ANKS1B: variants seen among roughly 807,000 people sequenced by gnomAD.
The protein encoded by ANKS1B is ankyrin repeat and sterile alpha motif domain-containing protein 1B.
ANKS1B carries 36 observed loss-of-function variants against 148.3 expected under a neutral mutation model. The ratio of observed to expected loss-of-function variants is 0.24; its 90% CI spans 0.19 to 0.32. The LOEUF is 0.32. Among genes scored for constraint, ANKS1B ranks in the 10% least tolerant of loss-of-function variants. ANKS1B has a pLI of 1.00. For missense variants in ANKS1B, 1,157 were observed against 1,542.6 expected, an observed-to-expected ratio of 0.75 and a Z score of 4.19; for synonymous variants, 542 against 560.8, an observed-to-expected ratio of 0.97 and a Z score of 0.47.
intron 6 of ANKS1B, among the ~76,000 whole-genome samples, chr12:99,778,215 G>T (rs562376710): frequency 6.7e-6 from 1 of 149,854 alleles, no homozygotes; most frequent in Admixed American, 6.6e-5. Flanking sequence ...GAAAAAAAAA[G>T]TTCAGTGAGA....
At chr12:99,303,227 C>T (rs1422793024) in intron 12 of ANKS1B, among the ~76,000 whole-genome samples, 1 of 152,074 alleles carries the variant, frequency 6.6e-6, no homozygotes. Context: ...CATGGACTTG[C>T]CTTACAAATC....
At chr12:99,669,493 T>C (rs575880804) in intron 8 of ANKS1B, among the ~76,000 whole-genome samples, 8 of 152,186 alleles carry the variant, frequency 5.3e-5, no homozygotes, top group Non-Finnish European at 1.0e-4. Flanking sequence ...TTAACCCCAC[T>C]GTTAAGACTT....
intron 14 of ANKS1B, among the ~76,000 whole-genome samples, chr12:99,173,255 T>C: frequency 6.6e-6 from 1 of 152,330 alleles, no homozygotes; most frequent in South Asian, 2.1e-4. Context: ...AGTCAACTGG[T>C]AAATCTCTAA....
chr12:98,985,291 T>A (rs914120922), intron 17 of ANKS1B, among the ~76,000 whole-genome samples: 1 of 152,108 alleles, frequency 6.6e-6, no homozygotes, highest in African/African-American at 2.4e-5. Context: ...TAAAAAATTT[T>A]TTTTTGCAGA....
intron 16 of ANKS1B, among the ~76,000 whole-genome samples, chr12:99,075,993 T>C (rs1940840359): frequency 6.6e-6 from 1 of 151,760 alleles, no homozygotes; most frequent in African/African-American, 2.4e-5. Flanking sequence ...TATATAAAAA[T>C]CAATTTTTCT....
At chr12:98,972,059 T>TA (rs1229156599) in intron 17 of ANKS1B, among the ~76,000 whole-genome samples, 1 of 152,062 alleles carries the variant, frequency 6.6e-6, no homozygotes, top group East Asian at 1.9e-4. Context: ...GCCCAGCTAC[T>TA]AGGGAGGCTG....
intron 10 of ANKS1B, among the ~76,000 whole-genome samples, chr12:99,488,806 G>A (rs955107591): frequency 7.9e-5 from 12 of 152,084 alleles, no homozygotes; most frequent in East Asian, 3.8e-4. Context: ...CACAAGTAAC[G>A]TTTATAATTT....
intron 17 of ANKS1B, among the ~76,000 whole-genome samples, chr12:99,019,390 G>A (rs2099944434): frequency 6.6e-6 from 1 of 152,138 alleles, no homozygotes; most frequent in Non-Finnish European, 1.5e-5. Flanking sequence ...AGGATACAGG[G>A]CATTGAGGGG....
chr12:99,868,097 G>T (rs1302154421), intron 1 of ANKS1B, among the ~76,000 whole-genome samples: 2 of 152,036 alleles, frequency 1.3e-5, no homozygotes, highest in African/African-American at 2.4e-5. Context: ...ACCAATTAAT[G>T]ATTTTTAAAA....
chr12:99,444,733 T>C (rs1030306703), intron 10 of ANKS1B, among the ~76,000 whole-genome samples: 2 of 151,980 alleles, frequency 1.3e-5, no homozygotes, highest in Admixed American at 6.6e-5. Context: ...AATAAAAAGT[T>C]TACTTCTCTG....
chr12:99,766,762 C>T (rs1489205157), intron 8 of ANKS1B, among the ~76,000 whole-genome samples: 1 of 152,080 alleles, frequency 6.6e-6, no homozygotes, highest in East Asian at 1.9e-4. Flanking sequence ...ATTATACATG[C>T]TAAAGAATCA....
At chr12:99,292,234 T>A (rs1300803633) in intron 12 of ANKS1B, among the ~76,000 whole-genome samples, 2 of 151,812 alleles carry the variant, frequency 1.3e-5, no homozygotes, top group Non-Finnish European at 2.9e-5. Flanking sequence ...GGCTCACGCC[T>A]GTAATCCCAG....
intron 17 of ANKS1B, among the ~76,000 whole-genome samples, chr12:99,049,732 C>T (rs1460881620): frequency 6.6e-6 from 1 of 152,102 alleles, no homozygotes; most frequent in African/African-American, 2.4e-5. Flanking sequence ...AAAAATAATG[C>T]CAGATTATTT....
chr12:98,934,052 T>C (rs866777952), intron 17 of ANKS1B, among the ~76,000 whole-genome samples: 3 of 152,160 alleles, frequency 2.0e-5, no homozygotes, highest in Admixed American at 2.0e-4. Context: ...CTGTGCCTTT[T>C]GTGTCATACC....
intron 1 of ANKS1B, among the ~76,000 whole-genome samples, chr12:99,847,806 A>T (rs1420546763): frequency 6.6e-6 from 1 of 152,124 alleles, no homozygotes; most frequent in African/African-American, 2.4e-5. Context: ...TAGGAAAGGT[A>T]TCACACCCTT....
At chr12:98,863,763 G>A (rs1364331787) in intron 17 of ANKS1B, among the ~76,000 whole-genome samples, 1 of 152,184 alleles carries the variant, frequency 6.6e-6, no homozygotes, top group African/African-American at 2.4e-5. Context: ...TGAACAAAAT[G>A]CTAAAGATAT....
chr12:99,263,293 C>T (rs61940214), intron 12 of ANKS1B, among the ~76,000 whole-genome samples: 24,226 of 152,002 alleles, frequency 0.16, 2,520 homozygotes, highest in Non-Finnish European at 0.24. Context: ...GCCCACGCCC[C>T]GTTTTCCAAT....
intron 12 of ANKS1B, among the ~76,000 whole-genome samples, chr12:99,392,716 ATC>A (rs2094116005): frequency 6.6e-6 from 1 of 152,184 alleles, no homozygotes; most frequent in Non-Finnish European, 1.5e-5. Flanking sequence ...CAACACAACT[ATC>A]CAGAGTTCAG....
chr12:98,883,318 C>T (rs148247767), intron 17 of ANKS1B, among the ~76,000 whole-genome samples: 1 of 152,188 alleles, frequency 6.6e-6, no homozygotes, highest in Non-Finnish European at 1.5e-5. Flanking sequence ...CTTCTGAGGT[C>T]CAAAATTCAG....
Sources: gnomAD v4.1 joint callset for allele counts (sites outside exome capture counted in the v4.1 genomes callset) on GRCh38, gnomAD v4.1.1 for gene constraint, MANE v1.5 for transcripts, NCBI Gene and HGNC (gene_info 2026-07-23, HGNC 2026-07-21) for gene names.